TNR: variants seen among roughly 807,000 people sequenced by gnomAD.
The protein encoded by TNR is tenascin-R.
In TNR, 45 loss-of-function variants were observed where a neutral mutation model predicts 150.4. The ratio of observed to expected loss-of-function variants is 0.30; its 90% confidence interval spans 0.24 to 0.38. The LOEUF is 0.38. Among genes scored for constraint, TNR ranks in the 10% least tolerant of loss-of-function variants. The pLI, the probability that TNR is intolerant of heterozygous loss-of-function variation, is 1.00. For synonymous variants in TNR, 687 were observed against 678.4 expected, an observed-to-expected ratio of 1.01 and a Z score of -0.20; for missense variants, 1,544 against 1,759.1, an observed-to-expected ratio of 0.88 and a Z score of 2.19.
intron 1 of TNR, among the ~76,000 whole-genome samples, chr1:175,650,383 A>C (rs1255415787): frequency 6.6e-6 from 1 of 152,028 alleles, no homozygotes; most frequent in Non-Finnish European, 1.5e-5. Context: ...ATGGTTTCAA[A>C]GCAAACAAAA....
At chr1:175,703,462 A>C (rs1324629671) in intron 1 of TNR, among the ~76,000 whole-genome samples, 1 of 152,222 alleles carries the variant, frequency 6.6e-6, no homozygotes. Flanking sequence ...TTTCTATGAA[A>C]ACTGCCTAAA....
intron 1 of TNR, among the ~76,000 whole-genome samples, chr1:175,624,277 AGT>A (rs950337069): frequency 1.3e-5 from 2 of 152,098 alleles, no homozygotes; most frequent in Admixed American, 1.3e-4. Context: ...GATGATAGAG[AGT>A]GTGTGCTGGG....
intron 1 of TNR, among the ~76,000 whole-genome samples, chr1:175,731,269 T>C (rs1424349596): frequency 6.6e-6 from 1 of 152,176 alleles, no homozygotes; most frequent in Non-Finnish European, 1.5e-5. Context: ...AAGTGCGAGT[T>C]AGTATGGTTG....
intron 2 of TNR, among the ~76,000 whole-genome samples, chr1:175,509,290 A>G (rs1202616099): frequency 6.6e-6 from 1 of 152,210 alleles, no homozygotes; most frequent in Non-Finnish European, 1.5e-5. Flanking sequence ...TACCTGGTGA[A>G]GTTACTTAAG....
chr1:175,424,260 G>T (rs1654874539), intron 2 of TNR, among the ~76,000 whole-genome samples: 1 of 152,198 alleles, frequency 6.6e-6, no homozygotes, highest in African/African-American at 2.4e-5. Context: ...ACAGGTCTAA[G>T]GTTGACTTCA....
chr1:175,459,817 G>A (rs1656734988), intron 2 of TNR, among the ~76,000 whole-genome samples: 2 of 152,080 alleles, frequency 1.3e-5, no homozygotes, highest in African/African-American at 4.8e-5. Context: ...CATGAGTAAT[G>A]CCCGGAAAGA....
intron 1 of TNR, among the ~76,000 whole-genome samples, chr1:175,632,084 C>T (rs1003531023): frequency 6.6e-6 from 1 of 152,208 alleles, no homozygotes; most frequent in African/African-American, 2.4e-5. Context: ...AACCTTAGCT[C>T]TGTGGAAGAT....
chr1:175,466,667 T>C (rs948627403), intron 2 of TNR, among the ~76,000 whole-genome samples: 1 of 152,216 alleles, frequency 6.6e-6, no homozygotes, highest in African/African-American at 2.4e-5. Flanking sequence ...TGCTGTTGCT[T>C]CTTTCAGATC....
chr1:175,672,639 C>G (rs1037234466), intron 1 of TNR, among the ~76,000 whole-genome samples: 2 of 152,212 alleles, frequency 1.3e-5, no homozygotes, highest in South Asian at 4.1e-4. Context: ...TGAATTCTAA[C>G]CAGACAAGAG....
intron 1 of TNR, among the ~76,000 whole-genome samples, chr1:175,540,870 G>C (rs1239602211): frequency 6.6e-6 from 1 of 152,050 alleles, no homozygotes. Flanking sequence ...ATCCATGTAA[G>C]TTATTTCTTC....
intron 1 of TNR, among the ~76,000 whole-genome samples, chr1:175,654,898 A>C (rs1461980215): frequency 6.6e-6 from 1 of 151,426 alleles, no homozygotes; most frequent in Non-Finnish European, 1.5e-5. Flanking sequence ...TTGTTTTTGT[A>C]TTTTTAGTAG....
intron 1 of TNR, among the ~76,000 whole-genome samples, chr1:175,575,412 C>T (rs747031342): frequency 3.9e-5 from 6 of 152,200 alleles, no homozygotes; most frequent in East Asian, 1.9e-4. Context: ...TATGTGCAAG[C>T]CTTGTGCTAG....
At chr1:175,375,309 CCAAA>C (rs1652323428) in intron 9 of TNR, among the ~76,000 whole-genome samples, 1 of 151,840 alleles carries the variant, frequency 6.6e-6, no homozygotes, top group Non-Finnish European at 1.5e-5. Context: ...GGTGCACAGG[CCAAA>C]CAGACATCAT....
intron 1 of TNR, among the ~76,000 whole-genome samples, chr1:175,604,110 T>A (rs1663337609): frequency 6.6e-6 from 1 of 152,000 alleles, no homozygotes; most frequent in Non-Finnish European, 1.5e-5. Flanking sequence ...ATGAGGACAG[T>A]GGCAGCTTTT....
chr1:175,594,875 A>C (rs1470639389), intron 1 of TNR, among the ~76,000 whole-genome samples: 1 of 150,670 alleles, frequency 6.6e-6, no homozygotes, highest in Non-Finnish European at 1.5e-5. Flanking sequence ...AAAAAAAAAA[A>C]AATTATTGGC....
At position 175,509,843 on chromosome 1, in the gene TNR, T is replaced by C. The variant is rs1346134673; in HGVS notation, c.-64+18426A>G. 2.0e-5 allele frequency among the ~76,000 whole-genome samples: 3 copies of C among 152,238 alleles called. No individual in the cohort carries two copies. In the East Asian group the frequency reaches 5.8e-4, roughly 29 times the overall value. On this transcript the variant is annotated intron_variant, in intron 2 of 22. Coordinates refer to ENST00000367674, the MANE Select transcript of TNR (RefSeq NM_003285.3). Reference sequence around the variant, plus strand: ...CTGTATTTTTAAACTTCCTTCTTTTTCCTGAGGATTGAACTAACATTTTCC... The same window carrying C: ...CTGTATTTTTAAACTTCCTTCTTTTCCCTGAGGATTGAACTAACATTTTCC...
chr1:175,378,991 C>A (rs142727941), intron 9 of TNR, among the ~76,000 whole-genome samples: 3,926 of 152,204 alleles, frequency 0.026, 155 homozygotes, highest in African/African-American at 0.089. Flanking sequence ...ACCAGCCTGA[C>A]CAACATGGAG....
At chr1:175,365,728 T>G (rs1190729985) in intron 11 of TNR, 147 bp downstream of exon 11, 11 of 1,197,286 alleles carry the variant, frequency 9.2e-6, no homozygotes, top group Non-Finnish European at 1.3e-5. Flanking sequence ...CTTGATGCAC[T>G]TATTAGTTTT....
chr1:175,640,779 G>A (rs2101880672), intron 1 of TNR, among the ~76,000 whole-genome samples: 1 of 147,048 alleles, frequency 6.8e-6, no homozygotes, highest in Non-Finnish European at 1.5e-5. Flanking sequence ...ATATATATGT[G>A]TGTGTGTGTG....
Sources: gnomAD v4.1 joint callset for allele counts (sites outside exome capture counted in the v4.1 genomes callset) on GRCh38, gnomAD v4.1.1 for gene constraint, MANE v1.5 for transcripts, NCBI Gene and HGNC (gene_info 2026-07-23, HGNC 2026-07-21) for gene names.